MKLN1: variants seen among roughly 807,000 people sequenced by gnomAD.
MKLN1 encodes muskelin 1, also known as muskelin.
In MKLN1, 18 loss-of-function variants were observed where a neutral mutation model predicts 99.0. That is an observed-to-expected ratio of 0.18 (90% confidence interval 0.13 to 0.27). MKLN1 has a LOEUF of 0.27. MKLN1 is among the 10% of genes least tolerant of loss of function. MKLN1 has a pLI of 1.00. For missense variants in MKLN1, 621 were observed against 875.9 expected, an observed-to-expected ratio of 0.71 and a Z score of 3.67; for synonymous variants, 288 against 293.2, an observed-to-expected ratio of 0.98 and a Z score of 0.18.
chr7:131,224,683 A>G (rs1406300316), intron 3 of MKLN1, among the ~76,000 whole-genome samples: 1 of 152,012 alleles, frequency 6.6e-6, no homozygotes, highest in Non-Finnish European at 1.5e-5. Flanking sequence ...TGGAGGTTAC[A>G]GTGATCATGC....
intron 3 of MKLN1, among the ~76,000 whole-genome samples, chr7:131,205,104 A>AG: frequency 6.6e-6 from 1 of 152,094 alleles, no homozygotes; most frequent in South Asian, 2.1e-4. Context: ...TCTCAAAAAA[A>AG]AAAAAGAAAA....
chr7:131,386,533 A>G (rs1172438662), intron 2 of MKLN1, among the ~76,000 whole-genome samples: 1 of 152,148 alleles, frequency 6.6e-6, no homozygotes. Flanking sequence ...TTTTCTTCTT[A>G]ATTTTTATAA....
chr7:131,300,039 G>A (rs1232718704), intron 3 of MKLN1, among the ~76,000 whole-genome samples: 4 of 151,998 alleles, frequency 2.6e-5, no homozygotes, highest in Non-Finnish European at 5.9e-5. Context: ...ACGAGAAAAG[G>A]GTTAATAATT....
chr7:131,144,360 T>C (rs1425373175), intron 2 of MKLN1, among the ~76,000 whole-genome samples: 2 of 151,136 alleles, frequency 1.3e-5, no homozygotes, highest in Non-Finnish European at 2.9e-5. Flanking sequence ...TGGGCGCCTG[T>C]AGTCCCAGCT....
At position 131,126,735 on chromosome 7, in the gene MKLN1, G is replaced by A. The variant is rs1795467344; in HGVS notation, c.-418-16085G>A. On this transcript the variant is annotated intron_variant, in intron 1 of 7. Coordinates refer to the MKLN1 transcript ENST00000416992. ...TGCCTGGCTAAATTTTGCATTTTTA[G>A]TAGAGATGGGGTTTCACCCTGTTGG... Among the ~76,000 whole-genome samples the A allele has an allele frequency of 3.3e-5, 5 of 152,162 alleles. No homozygotes were observed. In the South Asian group the frequency reaches 8.3e-4, roughly 25 times the overall value.
At chr7:131,156,192 A>G (rs896039752) in intron 2 of MKLN1, among the ~76,000 whole-genome samples, 5 of 152,118 alleles carry the variant, frequency 3.3e-5, no homozygotes, top group South Asian at 2.1e-4. Flanking sequence ...AACCTAATAC[A>G]ATAGTTTATC....
At chr7:131,473,586 C>T (rs1183971905) in intron 16 of MKLN1, among the ~76,000 whole-genome samples, 1 of 152,172 alleles carries the variant, frequency 6.6e-6, no homozygotes, top group African/African-American at 2.4e-5. Flanking sequence ...ATACCACTTT[C>T]AGAGAAGACT....
intron 2 of MKLN1, among the ~76,000 whole-genome samples, chr7:131,180,010 A>G (rs1321178376): frequency 3.9e-5 from 6 of 152,016 alleles, no homozygotes; most frequent in African/African-American, 1.4e-4. Context: ...TCCTGCCTCA[A>G]CCTCTTGAAG....
At chr7:131,419,986 A>G (rs552604035) in intron 8 of MKLN1, among the ~76,000 whole-genome samples, 2 of 152,324 alleles carry the variant, frequency 1.3e-5, no homozygotes, top group Admixed American at 6.5e-5. Context: ...CCTATTGCTC[A>G]CCTGAGAAGT....
At chr7:131,281,228 T>C (rs1399936363) in intron 3 of MKLN1, among the ~76,000 whole-genome samples, 5 of 151,826 alleles carry the variant, frequency 3.3e-5, no homozygotes, top group African/African-American at 1.2e-4. Flanking sequence ...TTTTGTATAG[T>C]GTTGAGAGTT....
At chr7:131,179,751 T>A (rs760023484) in intron 2 of MKLN1, among the ~76,000 whole-genome samples, 26 of 151,980 alleles carry the variant, frequency 1.7e-4, no homozygotes, top group Non-Finnish European at 3.5e-4. Context: ...ATTTTTTGTA[T>A]TTTTAGTAGA....
At chr7:131,363,266 G>A (rs1384638649) in intron 1 of MKLN1, among the ~76,000 whole-genome samples, 1 of 151,706 alleles carries the variant, frequency 6.6e-6, no homozygotes, top group Non-Finnish European at 1.5e-5. Context: ...ATGTTTTCCA[G>A]GTATTTTGCT....
chr7:131,150,903 G>A (rs1795879690), intron 2 of MKLN1, among the ~76,000 whole-genome samples: 1 of 152,008 alleles, frequency 6.6e-6, no homozygotes, highest in Non-Finnish European at 1.5e-5. Context: ...AATAAATGAA[G>A]AAGGGACAAT....
chr7:131,283,715 C>A (rs553002103), intron 3 of MKLN1, among the ~76,000 whole-genome samples: 13 of 151,926 alleles, frequency 8.6e-5, no homozygotes, highest in African/African-American at 3.1e-4. Context: ...GGATAACAGG[C>A]GTGTGCCATT....
chr7:131,328,435 CAA>C (rs1449186799), intron 1 of MKLN1, among the ~76,000 whole-genome samples: 3 of 151,478 alleles, frequency 2.0e-5, no homozygotes, highest in Non-Finnish European at 3.0e-5. Flanking sequence ...GCTGCCGGGA[CAA>C]AGTGTAAAGC....
At chr7:131,354,514 T>TG (rs559708966) in intron 1 of MKLN1, among the ~76,000 whole-genome samples, 2,642 of 128,724 alleles carry the variant, frequency 0.021, 30 homozygotes, top group African/African-American at 0.044. Flanking sequence ...TTTTTTTTTG[T>TG]GGGGGGGGGC....
intron 12 of MKLN1, among the ~76,000 whole-genome samples, chr7:131,456,903 A>G (rs1036938919): frequency 6.6e-6 from 1 of 152,120 alleles, no homozygotes; most frequent in East Asian, 1.9e-4. Context: ...GCATACTGAT[A>G]TAACTAGACA....
At chr7:131,277,960 C>T (rs1455517567) in intron 3 of MKLN1, among the ~76,000 whole-genome samples, 4 of 151,856 alleles carry the variant, frequency 2.6e-5, no homozygotes, top group African/African-American at 9.7e-5. Context: ...TAAGATCTGC[C>T]CATTCTCTCC....
chr7:131,201,897 T>C (rs1796733333), intron 2 of MKLN1, among the ~76,000 whole-genome samples: 1 of 152,212 alleles, frequency 6.6e-6, no homozygotes. Context: ...TCACTCTAAA[T>C]TATCATTCAT....
Sources: allele counts gnomAD v4.1 joint callset (sites outside exome capture counted in the v4.1 genomes callset), GRCh38; gene constraint gnomAD v4.1.1; transcripts MANE v1.5; gene names NCBI Gene and HGNC (gene_info 2026-07-23, HGNC 2026-07-21).